Variants in CYRIA observed in about 807,000 individuals in gnomAD.
CYRIA encodes the protein CYFIP related Rac1 interactor A.
A neutral mutation model predicts 43.9 loss-of-function variants in CYRIA; 15 were observed. The ratio of observed to expected loss-of-function variants is 0.34; its 90% CI spans 0.23 to 0.53. The LOEUF is 0.53. Ranked by LOEUF, CYRIA falls within the 20% of genes least tolerant of loss-of-function variation. The pLI is 0.94. For missense variants in CYRIA, 236 were observed against 394.2 expected (o/e 0.60, Z 3.40); for synonymous variants, 117 against 136.0 (o/e 0.86, Z 0.97).
chr2:16,556,830 G>A (rs1414701979), intron 10 of CYRIA, among the ~76,000 whole-genome samples: 1 of 152,050 alleles, frequency 6.6e-6, no homozygotes, highest in Non-Finnish European at 1.5e-5. Context: ...ATAGGATTTG[G>A]TGACTGATGA....
intron 1 of CYRIA, among the ~76,000 whole-genome samples, chr2:16,657,376 T>G (rs2103555288): frequency 6.6e-6 from 1 of 152,028 alleles, no homozygotes; most frequent in South Asian, 2.1e-4. Context: ...TAAGCCACAC[T>G]CAATAAAAAA....
At chr2:16,606,438 A>G (rs1307151150) in intron 2 of CYRIA, among the ~76,000 whole-genome samples, 1 of 151,116 alleles carries the variant, frequency 6.6e-6, no homozygotes, top group Non-Finnish European at 1.5e-5. Context: ...GATACTTGAG[A>G]CCCCTGGGAT....
In CYRIA at chr2:16,550,548, T is replaced by A. The variant is rs1339381250; in HGVS notation, c.*2388A>T. 2 of 152,254 alleles carry A rather than the reference T, an allele frequency of 1.3e-5. No homozygotes were observed. The highest frequency in any genetic ancestry group is 3.9e-4 in the East Asian group (2 of 5,158). The allele number at this position is 152,254 out of a possible 1,614,324, so 9.4% of individuals were successfully genotyped here. On this transcript the variant is annotated 3_prime_UTR_variant, in exon 12 of 12. Coordinates refer to ENST00000381323, the MANE Select transcript of CYRIA (RefSeq NM_030797.4). ...AGTCTTGGCTTTGAGACAAGACAAG[T>A]CTTGGCTAAATTGAGGCAGGACAGC... is the stretch of plus-strand genomic sequence containing the variant.
intron 11 of CYRIA, 73 bp from the exon 12 acceptor site, chr2:16,553,072 C>A (rs1294024831): frequency 5.4e-6 from 5 of 922,136 alleles, no homozygotes; most frequent in African/African-American, 1.6e-5. Flanking sequence ...TCTTTACCTT[C>A]GGAAACACAA....
intron 2 of CYRIA, among the ~76,000 whole-genome samples, chr2:16,591,907 C>T (rs888120883): frequency 5.3e-5 from 8 of 152,112 alleles, no homozygotes; most frequent in African/African-American, 1.9e-4. Flanking sequence ...CACTCACACA[C>T]ACACAATGAC....
Position 16,550,522 on chromosome 2 carries a change from GAGTCTTGGCTTTGAGACAAGACA to G in CYRIA, c.*2391_*2413del, listed in dbSNP as rs1375971874. 11 of 152,122 alleles carry G rather than the reference GAGTCTTGGCTTTGAGACAAGACA, an allele frequency of 7.2e-5. No homozygotes were observed. Among genetic ancestry groups the G allele is most frequent in the African/African-American group, 1.4e-4 (6 of 41,428 alleles). 9.4% of individuals were successfully genotyped at this position (152,122 alleles called of 1,614,324 possible). ...GACTTCTCAGAATCCATGTACTGCT[GAGTCTTGGCTTTGAGACAAGACA>G]AGTCTTGGCTAAATTGAGGCAGGAC... On this transcript the variant is annotated 3_prime_UTR_variant, in exon 12 of 12. Coordinates refer to ENST00000381323, the MANE Select transcript of CYRIA (RefSeq NM_030797.4).
intron 3 of CYRIA, among the ~76,000 whole-genome samples, chr2:16,583,613 T>C (rs887047594): frequency 1.1e-4 from 17 of 152,184 alleles, no homozygotes; most frequent in Non-Finnish European, 2.1e-4. Flanking sequence ...GGTGCCATAA[T>C]GGTGGGTCTG....
chr2:16,584,056 A>G (rs1243056181), intron 3 of CYRIA, among the ~76,000 whole-genome samples: 1 of 152,178 alleles, frequency 6.6e-6, no homozygotes, highest in Non-Finnish European at 1.5e-5. Flanking sequence ...TAAAGTTGTT[A>G]CAACATGCTG....
At chr2:16,613,630 C>A (rs1451059679) in intron 2 of CYRIA, among the ~76,000 whole-genome samples, 2 of 151,164 alleles carry the variant, frequency 1.3e-5, no homozygotes, top group African/African-American at 4.9e-5. Context: ...CAGTTAAGTA[C>A]CTTATCCACT....
intron 1 of CYRIA, among the ~76,000 whole-genome samples, chr2:16,657,990 C>T (rs1572209377): frequency 6.6e-6 from 1 of 152,030 alleles, no homozygotes; most frequent in African/African-American, 2.4e-5. Flanking sequence ...CTTATGACCC[C>T]ATTTATTAAT....
chr2:16,627,308 T>C (rs1159284345), intron 1 of CYRIA, among the ~76,000 whole-genome samples: 3 of 152,244 alleles, frequency 2.0e-5, no homozygotes, highest in African/African-American at 4.8e-5. Flanking sequence ...GGGTGGGGCA[T>C]GCTTGTGCCC....
chr2:16,611,882 T>C lies in CYRIA; in HGVS notation c.-11+11982A>G, dbSNP rs549202450. 2.7e-3 allele frequency among the ~76,000 whole-genome samples: 408 copies of C among 152,320 alleles called. 4 individuals carry two copies. The highest frequency in any genetic ancestry group is 0.015 in the South Asian group (71 of 4,820). On this transcript the variant is annotated intron_variant, in intron 2 of 11. Coordinates refer to ENST00000381323, the MANE Select transcript of CYRIA (RefSeq NM_030797.4). ...GCCAAGCCATTGCCAGCTCCCAGTC[T>C]TCTGGTTATGTTGAAGTAGTGGGAC...
intron 2 of CYRIA, among the ~76,000 whole-genome samples, chr2:16,615,525 G>C (rs181622017): frequency 2.6e-3 from 402 of 152,266 alleles, no homozygotes; most frequent in Admixed American, 6.7e-3. Context: ...CAGTCCTTGA[G>C]CTGGACTAGA....
intron 1 of CYRIA, among the ~76,000 whole-genome samples, chr2:16,654,559 AAGTTTT>A (rs1670055152): frequency 6.6e-6 from 1 of 152,190 alleles, no homozygotes; most frequent in Non-Finnish European, 1.5e-5. Flanking sequence ...AAACGTGTAG[AAGTTTT>A]AGAGCCAGGC....
intron 10 of CYRIA, among the ~76,000 whole-genome samples, chr2:16,556,567 C>T (rs914487158): frequency 6.6e-6 from 1 of 152,138 alleles, no homozygotes; most frequent in Non-Finnish European, 1.5e-5. Flanking sequence ...TAACAAGATG[C>T]TGTCAAGGAT....
At chr2:16,585,786 C>T (rs889501672) in intron 3 of CYRIA, among the ~76,000 whole-genome samples, 13 of 152,070 alleles carry the variant, frequency 8.5e-5, no homozygotes, top group South Asian at 2.1e-4. Flanking sequence ...TGGGTGGGGG[C>T]GCACAGAAGC....
intron 2 of CYRIA, among the ~76,000 whole-genome samples, chr2:16,609,109 C>T (rs1668507006): frequency 6.6e-6 from 1 of 152,244 alleles, no homozygotes; most frequent in South Asian, 2.1e-4. Flanking sequence ...CGCCGTGCTC[C>T]TCGCGGATTT....
At chr2:16,646,194 G>T (rs1199620873) in intron 1 of CYRIA, among the ~76,000 whole-genome samples, 1 of 152,150 alleles carries the variant, frequency 6.6e-6, no homozygotes, top group Non-Finnish European at 1.5e-5. Context: ...AGGTACACTT[G>T]TGGTCTAAGG....
chr2:16,554,270 G>A (rs1300036841), intron 11 of CYRIA, among the ~76,000 whole-genome samples: 1 of 152,090 alleles, frequency 6.6e-6, no homozygotes, highest in African/African-American at 2.4e-5. Flanking sequence ...AGATGAATAA[G>A]ACAACAGGGA....
Sources: allele counts gnomAD v4.1 joint callset (sites outside exome capture counted in the v4.1 genomes callset), GRCh38; gene constraint gnomAD v4.1.1; transcripts MANE v1.5; gene names NCBI Gene and HGNC (gene_info 2026-07-23, HGNC 2026-07-21).